Variants in N4BP1 observed in about 807,000 individuals in gnomAD.
N4BP1 encodes NEDD4-binding protein 1.
A neutral mutation model predicts 70.9 loss-of-function variants in N4BP1; 21 were observed. The observed-to-expected ratio is 0.30, with a 90% CI of 0.21 to 0.43. The LOEUF (loss-of-function observed/expected upper bound fraction) is 0.43. Ranked by LOEUF, N4BP1 falls within the 20% of genes least tolerant of loss-of-function variation. N4BP1 has a pLI of 1.00. For synonymous variants in N4BP1, 387 were observed against 394.6 expected, an observed-to-expected ratio of 0.98 and a Z score of 0.23; for missense variants, 936 against 1,069.4, an observed-to-expected ratio of 0.88 and a Z score of 1.74.
At position 48,540,676 on chromosome 16, in the gene N4BP1, C is replaced by CTTTA. The variant is rs1963484163; in HGVS notation, c.*2224_*2227dup. 6.6e-6 allele frequency: 1 copy of CTTTA among 152,338 alleles called. No homozygotes were observed. The highest frequency in any genetic ancestry group is 6.5e-5 in the Admixed American group (1 of 15,288). The allele number at this position is 152,338 out of a possible 1,614,324, so 9.4% of individuals were successfully genotyped here. A position where few individuals can be genotyped will look rare whatever the true frequency, so the allele number is the denominator to read the frequency against. Reference sequence around the variant, plus strand: ...AGTGACATCTCTGCCCTGCCACCTACTTTACATGGATGCCACGAAGTGGGA... The same window carrying CTTTA: ...AGTGACATCTCTGCCCTGCCACCTACTTTATTTACATGGATGCCACGAAGTGGGA... On this transcript the variant is annotated 3_prime_UTR_variant, in exon 7 of 7. Transcript: ENST00000262384.
chr16:48,544,196 G>C (rs960541249), intron 6 of N4BP1, among the ~76,000 whole-genome samples: 1 of 152,172 alleles, frequency 6.6e-6, no homozygotes, highest in African/African-American at 2.4e-5. Context: ...TGGCATTTGG[G>C]AATTAAGTCC....
chr16:48,603,038 C>T (rs1370749179), intron 1 of N4BP1, among the ~76,000 whole-genome samples: 1 of 151,996 alleles, frequency 6.6e-6, no homozygotes, highest in Non-Finnish European at 1.5e-5. Context: ...GTACCAGGCT[C>T]TTCTAACTGA....
intron 2 of N4BP1, chr16:48,559,540 A>T (rs1166137655): frequency 6.6e-6 from 1 of 152,226 alleles, no homozygotes; most frequent in Non-Finnish European, 1.5e-5. Context: ...TAGTATGTGA[A>T]CAAATGGCAA....
rs201703173 is a variant in N4BP1, at chr16:48,562,357, T to C, written c.286A>G (p.Ser96Gly). The change falls in exon 2 of 7, where the codon AGC (serine) becomes GGC (glycine). Residue 96 changes from serine to glycine, a missense_variant. By Grantham distance (56) the Ser-to-Gly change is moderately conservative. Coordinates refer to ENST00000262384, the MANE Select transcript of N4BP1 (RefSeq NM_153029.4). ...TGAATCAAGCTTTTCAGAAACAGGCTCTCTGCCCCAACAAAAATGCAGTGC... is the reference window on the plus strand; with the variant it reads ...TGAATCAAGCTTTTCAGAAACAGGCCCTCTGCCCCAACAAAAATGCAGTGC... ...DMHCIFVGAE[S>G]LFLKSLIQDT... The C allele has an allele frequency of 2.3e-5, 37 of 1,613,722 alleles. No homozygotes were observed. In the African/African-American group the frequency reaches 4.5e-4, roughly 20 times the overall value.
chr16:48,568,092 T>A (rs1963967979), intron 1 of N4BP1, among the ~76,000 whole-genome samples: 1 of 152,150 alleles, frequency 6.6e-6, no homozygotes, highest in Non-Finnish European at 1.5e-5. Context: ...CCCAATAAAG[T>A]CTCTGGCTTA....
intron 3 of N4BP1, among the ~76,000 whole-genome samples, 164 bp downstream of exon 3, chr16:48,553,375 G>C (rs760441777): frequency 6.6e-6 from 1 of 152,148 alleles, no homozygotes; most frequent in Non-Finnish European, 1.5e-5. Context: ...TGATGCTGTG[G>C]CACTCTCTTC....
At chr16:48,552,016 C>T (rs1567427704) in intron 3 of N4BP1, among the ~76,000 whole-genome samples, 1 of 152,106 alleles carries the variant, frequency 6.6e-6, no homozygotes, top group Non-Finnish European at 1.5e-5. Flanking sequence ...AGCCTACCAT[C>T]AAAAACTCTT....
rs1964647973 is a variant in N4BP1 at position 48,609,703 on chromosome 16, G to T, written c.198+72C>A. Reference sequence around the variant, plus strand: ...GCGCATCGCGGCGGACGGCGGGGGCGGGGAGGAGCGGGAGCCCGGAGACCC... The same window carrying T: ...GCGCATCGCGGCGGACGGCGGGGGCTGGGAGGAGCGGGAGCCCGGAGACCC... On this transcript the variant is annotated intron_variant, in intron 1 of 6. Coordinates refer to ENST00000262384, the MANE Select transcript of N4BP1 (RefSeq NM_153029.4). 2.5e-6 allele frequency: 3 copies of T among 1,188,444 alleles called. No homozygotes were observed. The African/African-American group carries it at 4.8e-5, about 19-fold the overall frequency. The allele number at this position is 1,188,444 out of a possible 1,614,324, so 73.6% of individuals were successfully genotyped here.
At position 48,561,999 on chromosome 16, in the gene N4BP1, A is replaced by C. The variant is rs1963866265; in HGVS notation, c.644T>G (p.Phe215Cys). 2 of 1,613,878 alleles carry C rather than the reference A, an allele frequency of 1.2e-6. No homozygotes were observed. The highest frequency in any genetic ancestry group is 2.2e-5 in the East Asian group (1 of 44,872). The change falls in exon 2 of 7, where the codon TTT (phenylalanine) becomes TGT (cysteine). Residue 215 changes from phenylalanine to cysteine, a missense_variant. Physicochemically the swap from Phe to Cys is radical, Grantham distance 205. Around this residue, in one of 4 missense-constraint regions of N4BP1, gnomAD observed 515 missense variants for 491.7 expected, o/e 1.05. Coordinates refer to ENST00000262384, the MANE Select transcript of N4BP1 (RefSeq NM_153029.4). ...IEMRDSQQTEFTQNAATGLNI... is the reference protein window; with the variant it reads ...IEMRDSQQTECTQNAATGLNI... ...CAGCCCTGTGGCAGCATTCTGTGTA[A>C]ACTCTGTTTGTTGAGAATCTCTCAT...
Position 48,561,761 on chromosome 16 carries a change from A to G in N4BP1, c.882T>C (p.His294=), listed in dbSNP as rs1644552895. Residue 294 remains histidine, a synonymous_variant, in exon 2 of 7, where the codon CAT becomes CAC. Coordinates refer to ENST00000262384, the MANE Select transcript of N4BP1 (RefSeq NM_153029.4). The part of the protein sequence containing the change: ...KRRFSDSEER[H]TKKQFSLENV... ...TTTCCAAAGAAAACTGCTTCTTCGT[A>G]TGCCTTTCTTCAGAATCAGAAAATC... 4 of 1,612,640 alleles carry G rather than the reference A, an allele frequency of 2.5e-6. No individual in the cohort carries two copies. The highest frequency in any genetic ancestry group is 1.7e-5 in the Admixed American group (1 of 60,008).
chr16:48,605,267 G>A (rs1964562069), intron 1 of N4BP1, among the ~76,000 whole-genome samples: 1 of 152,078 alleles, frequency 6.6e-6, no homozygotes. Flanking sequence ...CCGACCTCAG[G>A]TGATCAGACC....
chr16:48,556,590 C>A (rs1183214606), intron 2 of N4BP1, among the ~76,000 whole-genome samples: 1 of 152,188 alleles, frequency 6.6e-6, no homozygotes, highest in Non-Finnish European at 1.5e-5. Context: ...CATTTAAATG[C>A]CTGCTTCCAT....
intron 1 of N4BP1, among the ~76,000 whole-genome samples, chr16:48,594,150 T>C (rs1049570628): frequency 6.6e-6 from 1 of 152,176 alleles, no homozygotes; most frequent in Non-Finnish European, 1.5e-5. Context: ...GCCTTTTAAG[T>C]AAACTACAAA....
intron 1 of N4BP1, among the ~76,000 whole-genome samples, chr16:48,601,598 T>C (rs893305827): frequency 6.6e-6 from 1 of 152,222 alleles, no homozygotes; most frequent in Non-Finnish European, 1.5e-5. Flanking sequence ...AGACGTGGAT[T>C]TATTCCTACA....
chr16:48,545,277 A>G (rs1188901526), intron 6 of N4BP1, among the ~76,000 whole-genome samples: 1 of 148,384 alleles, frequency 6.7e-6, no homozygotes, highest in African/African-American at 2.5e-5. Context: ...GTCTTTTTAA[A>G]CCTACAAAAA....
intron 4 of N4BP1, among the ~76,000 whole-genome samples, chr16:48,549,208 A>T (rs16946265): frequency 0.014 from 2,160 of 152,326 alleles, 43 homozygotes; most frequent in African/African-American, 0.047. Context: ...ATGGGGATTT[A>T]AAAAACCTCA....
In N4BP1 at chr16:48,563,353, T is replaced by C. The variant is rs139341416; in HGVS notation, c.199-909A>G. 2.6e-5 allele frequency among the ~76,000 whole-genome samples: 4 copies of C among 151,720 alleles called. No homozygotes were observed. In the East Asian group the frequency reaches 7.7e-4, roughly 29 times the overall value. ...CTGGGCCAAAGAGCGGGACCCTATCTCTAAAAAAAAATTTTTTAAATTTTT... is the reference window on the plus strand; with the variant it reads ...CTGGGCCAAAGAGCGGGACCCTATCCCTAAAAAAAAATTTTTTAAATTTTT... On this transcript the variant is annotated intron_variant, in intron 1 of 6. Coordinates refer to ENST00000262384, the MANE Select transcript of N4BP1 (RefSeq NM_153029.4).
chr16:48,600,218 G>A, intron 1 of N4BP1: 1 of 754,438 alleles, frequency 1.3e-6, no homozygotes. Context: ...GCCACGGCAT[G>A]ATGTTCATCC....
At chr16:48,562,514 T>C in intron 1 of N4BP1, 70 bp from the exon 2 acceptor site, 1 of 1,256,608 alleles carries the variant, frequency 8.0e-7, no homozygotes, top group Non-Finnish European at 1.1e-6. Context: ...AATTACCATG[T>C]AACTACAAAT....
Sources: allele counts gnomAD v4.1 joint callset (sites outside exome capture counted in the v4.1 genomes callset), GRCh38; gene constraint gnomAD v4.1.1; regional missense constraint gnomAD v4.1.1; transcripts MANE v1.5; gene names NCBI Gene and HGNC (gene_info 2026-07-23, HGNC 2026-07-21).